TUBA1C: variants seen among roughly 807,000 people sequenced by gnomAD.
TUBA1C encodes the protein tubulin alpha 1c.
Under a neutral mutation model 34.9 loss-of-function variants are expected in TUBA1C, and 16 were observed. The ratio of observed to expected loss-of-function variants is 0.46; its 90% CI spans 0.31 to 0.70. TUBA1C has a LOEUF of 0.70. Ranked by LOEUF, TUBA1C falls within the 30% of genes least tolerant of loss-of-function variation. The probability of loss-of-function intolerance (pLI) is 0.05; values close to 1 mark genes in which losing one functional copy is unlikely to be tolerated. For missense variants in TUBA1C, 329 were observed against 587.3 expected (o/e 0.56, Z 4.55); for synonymous variants, 177 against 215.9 (o/e 0.82, Z 1.58).
intron 1 of TUBA1C, among the ~76,000 whole-genome samples, chr12:49,244,694 G>A (rs1035377202): frequency 6.6e-6 from 1 of 151,970 alleles, no homozygotes. Flanking sequence ...ATACCTTATA[G>A]TTGTGTCTAA....
intron 1 of TUBA1C, among the ~76,000 whole-genome samples, chr12:49,243,677 T>C (rs1942640803): frequency 6.6e-6 from 1 of 152,084 alleles, no homozygotes. Context: ...AGTGGTGCAA[T>C]CATGGTTCAC....
chr12:49,270,006 TGA>T (rs1219003931), intron 3 of TUBA1C, 30 bp downstream of exon 3: 1 of 1,614,106 alleles, frequency 6.2e-7, no homozygotes, highest in Admixed American at 1.7e-5. Context: ...TAAAGTGGGA[TGA>T]GAGTTTCTTT....
rs539605876 is a variant in TUBA1C at position 49,239,416 on chromosome 12, G to A, written c.213+11250G>A. Among the ~76,000 whole-genome samples, 576 of 152,164 alleles carry A rather than the reference G, an allele frequency of 3.8e-3. 7 individuals are homozygous for A. The highest frequency in any genetic ancestry group is 6.1e-3 in the African/African-American group (252 of 41,516). On this transcript the variant is annotated intron_variant, in intron 1 of 3. Coordinates refer to the TUBA1C transcript ENST00000541364. ...AGCACTTTGGGAGGCCGAAGCGGGC[G>A]GATCACCTGAGGTCAGCAGTTTGAG...
At chr12:49,252,164 C>G (rs1942737972) in intron 1 of TUBA1C, among the ~76,000 whole-genome samples, 1 of 152,182 alleles carries the variant, frequency 6.6e-6, no homozygotes, top group Non-Finnish European at 1.5e-5. Flanking sequence ...GAATATGATG[C>G]TAGGTGGCAG....
At chr12:49,264,064 C>A (rs961464241), upstream of TUBA1C, among the ~76,000 whole-genome samples, 1 of 151,960 alleles carries the variant, frequency 6.6e-6, no homozygotes, top group African/African-American at 2.4e-5. Context: ...ACTAAAAATA[C>A]AAAAATTTAG....
At chr12:49,244,145 G>C (rs1371009103) in intron 1 of TUBA1C, among the ~76,000 whole-genome samples, 1 of 118,132 alleles carries the variant, frequency 8.5e-6, no homozygotes, top group East Asian at 3.1e-4. Flanking sequence ...GTGAGACTCT[G>C]TCTCAAAAAA....
chr12:49,270,032 C>T (rs771326748), intron 3 of TUBA1C, 56 bp downstream of exon 3: 1 of 1,614,004 alleles, frequency 6.2e-7, no homozygotes, highest in Non-Finnish European at 8.5e-7. Flanking sequence ...AGTTCTGAGA[C>T]CAAACTACAG....
intron 1 of TUBA1C, 157 bp downstream of exon 1, chr12:49,265,341 C>A (rs1034431981): frequency 5.8e-6 from 3 of 515,358 alleles, no homozygotes; most frequent in South Asian, 8.1e-5. Flanking sequence ...GCTGGAAGGT[C>A]GAGTTCACTT....
Position 49,272,733 on chromosome 12 carries a change from C to T in TUBA1C, c.856C>T (p.Leu286Phe), listed in dbSNP as rs746834651. Reference sequence around the variant, plus strand: ...TGCTGAGAAAGCCTACCACGAACAGCTTACTGTAGCAGAGATCACCAATGC... The same window carrying T: ...TGCTGAGAAAGCCTACCACGAACAGTTTACTGTAGCAGAGATCACCAATGC... ...ISAEKAYHEQ[L>F]TVAEITNACF... Residue 286 changes from leucine to phenylalanine, a missense_variant, in exon 4 of 4, where the codon CTT (leucine) becomes TTT (phenylalanine). Coordinates refer to ENST00000301072, the MANE Select transcript of TUBA1C (RefSeq NM_032704.5). The T allele has an allele frequency of 6.2e-7, 1 of 1,613,354 alleles. No homozygotes were observed. Among genetic ancestry groups the T allele is most frequent in the East Asian group, 2.2e-5 (1 of 44,870 alleles).
chr12:49,233,282 A>T (rs1942515980), intron 1 of TUBA1C: 1 of 152,238 alleles, frequency 6.6e-6, no homozygotes, highest in Non-Finnish European at 1.5e-5. Context: ...TTCATAACAC[A>T]GTAACACTTA....
At chr12:49,269,388 G>T (rs1382204425) in intron 1 of TUBA1C, 77 bp from the exon 2 acceptor site, 5 of 1,596,294 alleles carry the variant, frequency 3.1e-6, no homozygotes, top group Non-Finnish European at 4.3e-6. Flanking sequence ...AGGTTAATCA[G>T]TCATTAGGTG....
In TUBA1C at chr12:49,267,887, A is replaced by G. The variant is rs1942936220; in HGVS notation, c.4-1578A>G. 2.6e-5 allele frequency among the ~76,000 whole-genome samples: 4 copies of G among 152,340 alleles called. No individual in the cohort carries two copies. In the South Asian group the frequency reaches 8.3e-4, roughly 32 times the overall value. ...TCCTTTGAGAACTTAGTGCTCTGCCAGTCTCCAAAGTGGCTAATCTGACTT... is the reference window on the plus strand; with the variant it reads ...TCCTTTGAGAACTTAGTGCTCTGCCGGTCTCCAAAGTGGCTAATCTGACTT... On this transcript the variant is annotated intron_variant, in intron 1 of 3. Coordinates refer to ENST00000301072, the MANE Select transcript of TUBA1C (RefSeq NM_032704.5).
intron 1 of TUBA1C, among the ~76,000 whole-genome samples, chr12:49,235,273 C>A (rs945562812): frequency 6.6e-6 from 1 of 152,022 alleles, no homozygotes; most frequent in Non-Finnish European, 1.5e-5. Flanking sequence ...AAAAATTCCC[C>A]TTCCTGTTAG....
At chr12:49,248,505 T>A (rs1293633127) in intron 1 of TUBA1C, among the ~76,000 whole-genome samples, 1 of 147,426 alleles carries the variant, frequency 6.8e-6, no homozygotes, top group Non-Finnish European at 1.5e-5. Context: ...GAGGCGGAGA[T>A]TACAGTGAGC....
chr12:49,234,384 C>A (rs1942527719), intron 1 of TUBA1C, among the ~76,000 whole-genome samples: 1 of 152,246 alleles, frequency 6.6e-6, no homozygotes, highest in South Asian at 2.1e-4. Context: ...CTGTGGCAAG[C>A]GCTAAAAACC....
At position 49,266,127 on chromosome 12, in the gene TUBA1C, CAAAA is replaced by C. The variant is rs1275546913; in HGVS notation, c.3+947_3+950del. Among the ~76,000 whole-genome samples, 301 of 149,454 alleles carry C rather than the reference CAAAA, an allele frequency of 2.0e-3. 4 individuals carry two copies. Among genetic ancestry groups the C allele is most frequent in the Non-Finnish European group, 2.3e-3 (154 of 67,406 alleles). On this transcript the variant is annotated intron_variant, in intron 1 of 3. Coordinates refer to ENST00000301072, the MANE Select transcript of TUBA1C (RefSeq NM_032704.5). ...TCTGGACGACAGAGCGAAACTGTCT[CAAAA>C]AAACGCAAACCCGGCCCGGCGCGGT...
chr12:49,233,587 G>A (rs1942519276), intron 1 of TUBA1C: 1 of 152,194 alleles, frequency 6.6e-6, no homozygotes, highest in South Asian at 2.1e-4. Context: ...CAAAAGAGAA[G>A]GCCCTGTTTT....
chr12:49,233,509 C>T (rs139337624), intron 1 of TUBA1C: 2 of 152,240 alleles, frequency 1.3e-5, no homozygotes, highest in East Asian at 3.9e-4. Flanking sequence ...AACATTCCAT[C>T]TCCAGGGCCT....
chr12:49,235,019 T>G (rs1432333559), intron 1 of TUBA1C, among the ~76,000 whole-genome samples: 1 of 151,526 alleles, frequency 6.6e-6, no homozygotes, highest in Non-Finnish European at 1.5e-5. Flanking sequence ...GGTTTCACCA[T>G]GTTGGTCAGG....
Sources: gnomAD v4.1 joint callset for allele counts (sites outside exome capture counted in the v4.1 genomes callset) on GRCh38, gnomAD v4.1.1 for gene constraint, MANE v1.5 for transcripts, NCBI Gene and HGNC (gene_info 2026-07-23, HGNC 2026-07-21) for gene names.